The following EGFR variants were observed in gnomAD, a reference collection of about 807,000 sequenced individuals.
EGFR encodes the protein avian erythroblastic leukemia viral (v-erb-b) oncogene homolog.
EGFR carries 58 observed loss-of-function variants against 143.0 expected under a neutral mutation model. The observed-to-expected ratio is 0.41, with a 90% CI of 0.33 to 0.50. The LOEUF is 0.50. EGFR is among the 20% of genes least tolerant of loss of function. EGFR has a pLI of 0.39. For missense variants in EGFR, 1,307 were observed against 1,579.0 expected, an observed-to-expected ratio of 0.83 and a Z score of 2.92; for synonymous variants, 613 against 594.4, an observed-to-expected ratio of 1.03 and a Z score of -0.45.
At chr7:55,157,876 A>G (rs2128939949) in intron 11 of EGFR, 123 bp downstream of exon 11, 1 of 969,994 alleles carries the variant, frequency 1.0e-6, no homozygotes, top group Non-Finnish European at 1.6e-6. Flanking sequence ...GCATTCCCAA[A>G]TGCTATCTCA....
At chr7:55,153,990 C>T (rs773743624) in intron 6 of EGFR, 21 bp from the exon 7 acceptor site, 16 of 1,614,034 alleles carry the variant, frequency 9.9e-6, no homozygotes, top group African/African-American at 5.3e-5. Context: ...ACTTGCCCAG[C>T]GTGTCCTCTC....
Position 55,019,131 on chromosome 7 carries a change from C to T in EGFR, c.-147C>T, listed in dbSNP as rs1324965582. The T allele has an allele frequency of 2.8e-5, 15 of 527,894 alleles. No homozygotes were observed. Among genetic ancestry groups the T allele is most frequent in the Admixed American group, 4.6e-5 (1 of 21,716 alleles). 32.7% of individuals were successfully genotyped at this position (527,894 alleles called of 1,614,324 possible). ...AGTCCCGAGCTAGCCCCGGCGGCCG[C>T]CGCCGCCCAGACCGGACGACAGGCC... is the stretch of plus-strand genomic sequence containing the variant. On this transcript the variant is annotated 5_prime_UTR_variant, in exon 1 of 28. Coordinates refer to ENST00000275493, the MANE Select transcript of EGFR (RefSeq NM_005228.5).
chr7:55,154,268 GC>G, intron 7 of EGFR, 116 bp downstream of exon 7: 1 of 1,518,400 alleles, frequency 6.6e-7, no homozygotes, highest in Non-Finnish European at 9.0e-7. Flanking sequence ...TGTTTGCCTT[GC>G]TTGGAGGAGG....
chr7:55,154,210 C>T (rs1277637363), intron 7 of EGFR, 58 bp downstream of exon 7: 1 of 1,609,200 alleles, frequency 6.2e-7, no homozygotes, highest in Non-Finnish European at 8.5e-7. Flanking sequence ...CGCTCTGTCT[C>T]CTGCTGAGCC....
At chr7:55,140,440 T>C (rs762418977) in intron 1 of EGFR, among the ~76,000 whole-genome samples, 35 of 152,296 alleles carry the variant, frequency 2.3e-4, no homozygotes, top group Non-Finnish European at 3.7e-4. Context: ...TTAGAGGCCA[T>C]AGTCTGTCAG....
intron 1 of EGFR, among the ~76,000 whole-genome samples, chr7:55,111,517 T>G (rs1403383808): frequency 1.3e-5 from 2 of 151,952 alleles, no homozygotes; most frequent in Non-Finnish European, 2.9e-5. Flanking sequence ...TATTAGGGGG[T>G]TTTAAATTGC....
At chr7:55,152,378 A>G in intron 5 of EGFR, 168 bp from the exon 6 acceptor site, 1 of 779,442 alleles carries the variant, frequency 1.3e-6, no homozygotes, top group South Asian at 1.4e-5. Flanking sequence ...AGGAGAAAAA[A>G]GAGGCAATCA....
chr7:55,112,151 G>A (rs7796872), intron 1 of EGFR, among the ~76,000 whole-genome samples: 15,352 of 152,294 alleles, frequency 0.1, 1,133 homozygotes, highest in Admixed American at 0.2. Context: ...ACTGCAAACC[G>A]ATACCCAGCT....
At chr7:55,135,295 A>T (rs1272652021) in intron 1 of EGFR, among the ~76,000 whole-genome samples, 2 of 151,604 alleles carry the variant, frequency 1.3e-5, no homozygotes, top group African/African-American at 4.8e-5. Context: ...TTAATTAGAG[A>T]TACATGAGTT....
In EGFR at chr7:55,173,946, G is replaced by A. The variant is rs2128953542; in HGVS notation, c.2087G>A (p.Gly696Glu). The change falls in exon 18 of 28, where the codon GGA becomes GAA. Residue 696 changes from glycine (G) to glutamate (E), a missense_variant. Coordinates refer to ENST00000275493, the MANE Select transcript of EGFR (RefSeq NM_005228.5). The stretch of plus-strand genomic sequence containing the variant: ...CTTGTGGAGCCTCTTACACCCAGTG[G>A]AGAAGCTCCCAACCAAGCTCTCTTG... ...RELVEPLTPS[G>E]EAPNQALLRI... is the part of the protein sequence containing the mutation. 2 of 1,614,232 alleles carry A rather than the reference G, an allele frequency of 1.2e-6. No individual in the cohort carries two copies. Among genetic ancestry groups the A allele is most frequent in the Non-Finnish European group, 1.7e-6 (2 of 1,180,036 alleles).
At chr7:55,120,022 G>A (rs118035796) in intron 1 of EGFR, among the ~76,000 whole-genome samples, 2,015 of 152,354 alleles carry the variant, frequency 0.013, 23 homozygotes, top group Non-Finnish European at 0.02. Context: ...GCTGAGGCCA[G>A]TATGCTGACT....
chr7:55,109,353 C>T (rs1792324274), intron 1 of EGFR, among the ~76,000 whole-genome samples: 1 of 152,194 alleles, frequency 6.6e-6, no homozygotes, highest in Non-Finnish European at 1.5e-5. Flanking sequence ...ATTTTAAGGA[C>T]TATCTACAGC....
At chr7:55,174,971 G>A in intron 19 of EGFR, 151 bp downstream of exon 19, 1 of 700,486 alleles carries the variant, frequency 1.4e-6, no homozygotes, top group Non-Finnish European at 2.6e-6. Flanking sequence ...GCTCTAGTGG[G>A]TATAACTCCC....
rs775454626 is a variant in EGFR, at chr7:55,155,947, G to A, written c.1006+1G>A. 6.2e-7 allele frequency: 1 copy of A among 1,610,760 alleles called. No individual in the cohort carries two copies. Among genetic ancestry groups the A allele is most frequent in the South Asian group, 1.1e-5 (1 of 90,882 alleles). ...AAGTGCGAAGGGCCTTGCCGCAAAG[G>A]TAGGAAGCCCGCCGGTGTGCGGACG... On this transcript the variant is annotated splice_donor_variant, in intron 8 of 27. Transcript: ENST00000275493. LOFTEE classifies it high-confidence loss of function.
chr7:55,204,123 A>G (rs1000323199), intron 27 of EGFR, among the ~76,000 whole-genome samples: 16 of 151,532 alleles, frequency 1.1e-4, no homozygotes, highest in African/African-American at 3.6e-4. Flanking sequence ...GGCAGATGAT[A>G]TACCTCTTTA....
intron 1 of EGFR, among the ~76,000 whole-genome samples, chr7:55,080,420 T>C (rs1055260059): frequency 6.6e-6 from 1 of 151,044 alleles, no homozygotes; most frequent in Non-Finnish European, 1.5e-5. Flanking sequence ...GAGGACATTA[T>C]GTTAAGTGAA....
Position 55,094,148 on chromosome 7 carries a change from G to T in EGFR, c.89-48138G>T, listed in dbSNP as rs75879108. On this transcript the variant is annotated intron_variant, in intron 1 of 27. Coordinates refer to ENST00000275493, the MANE Select transcript of EGFR (RefSeq NM_005228.5). ...GGGGCTGCTTGACAGGATGACATCTGGTGATATCATTTATTCCTTTGGAAA... is the reference window on the plus strand; with the variant it reads ...GGGGCTGCTTGACAGGATGACATCTTGTGATATCATTTATTCCTTTGGAAA... 4.1e-3 allele frequency among the ~76,000 whole-genome samples: 621 copies of T among 152,308 alleles called. 28 individuals are homozygous for T. The South Asian group carries it at 0.079, about 19-fold the overall frequency.
intron 1 of EGFR, among the ~76,000 whole-genome samples, chr7:55,131,145 GA>G (rs1029206976): frequency 2.0e-5 from 3 of 152,134 alleles, no homozygotes; most frequent in African/African-American, 7.2e-5. Flanking sequence ...ACATGATTAA[GA>G]TGTTGCCTTC....
intron 1 of EGFR, among the ~76,000 whole-genome samples, chr7:55,087,839 C>T (rs1287281214): frequency 6.6e-6 from 1 of 152,140 alleles, no homozygotes; most frequent in Non-Finnish European, 1.5e-5. Flanking sequence ...GGAGCAATGG[C>T]CTTCCCACCC....
Sources: gnomAD v4.1 joint callset for allele counts (sites outside exome capture counted in the v4.1 genomes callset) on GRCh38, gnomAD v4.1.1 for gene constraint, MANE v1.5 for transcripts, NCBI Gene and HGNC (gene_info 2026-07-23, HGNC 2026-07-21) for gene names.